The following DHPS variants were observed in gnomAD, a reference collection of about 807,000 sequenced individuals.
DHPS encodes the protein deoxyhypusine synthase.
Under a neutral mutation model 38.7 loss-of-function variants are expected in DHPS, and 24 were observed. The observed-to-expected ratio is 0.62, with a 90% CI of 0.45 to 0.87. DHPS has a LOEUF of 0.87. Among genes scored for constraint, DHPS ranks in the 40% least tolerant of loss-of-function variants. DHPS has a pLI of 0.00. For missense variants in DHPS, 510 were observed against 497.6 expected, an observed-to-expected ratio of 1.02 and a Z score of -0.24; for synonymous variants, 250 against 204.4, an observed-to-expected ratio of 1.22 and a Z score of -1.90.
At chr19:12,678,791 A>AC (rs1314454762) in intron 5 of DHPS, among the ~76,000 whole-genome samples, 5 of 136,888 alleles carry the variant, frequency 3.7e-5, no homozygotes, top group Admixed American at 7.6e-5. Flanking sequence ...AAAAAAAAAA[A>AC]GACTATGTAG....
chr19:12,678,768 CA>C lies in DHPS; in HGVS notation c.678+688del, dbSNP rs1183531365. 8.7e-3 allele frequency among the ~76,000 whole-genome samples: 405 copies of C among 46,322 alleles called. 2 individuals are homozygous for C. The highest frequency in any genetic ancestry group is 0.016 in the East Asian group (16 of 1,010). The allele number at this position is 46,322 out of a possible 152,430, so 30.4% of individuals were successfully genotyped here. A position where few individuals can be genotyped will look rare whatever the true frequency, so the allele number is the denominator to read the frequency against. ...TGGGCGACAGAGCAAGACTCTGTCT[CA>C]AAAAAAAAAAAAAAAAAAAAAAGAC... is the stretch of plus-strand genomic sequence containing the variant. On this transcript the variant is annotated intron_variant, in intron 5 of 8. Coordinates refer to ENST00000210060, the MANE Select transcript of DHPS (RefSeq NM_001930.4).
downstream of DHPS, chr19:12,675,524 G>A (rs1349062961): frequency 2.9e-5 from 47 of 1,603,960 alleles, no homozygotes; most frequent in Non-Finnish European, 3.8e-5. Context: ...GCTCCACAGG[G>A]TGCGCTGGCT....
At chr19:12,673,383 G>T, downstream of DHPS, 2 of 690,064 alleles carry the variant, frequency 2.9e-6, no homozygotes, top group Non-Finnish European at 5.1e-6. Context: ...CCTTACCTCA[G>T]TCACTCCAGG....
intron 5 of DHPS, among the ~76,000 whole-genome samples, chr19:12,678,125 G>C (rs1157528695): frequency 6.6e-6 from 1 of 151,840 alleles, no homozygotes; most frequent in African/African-American, 2.4e-5. Context: ...GGTGGCACAT[G>C]CCTATAATCC....
rs757666183 is a variant in DHPS, at chr19:12,677,314, C to A, written c.761G>T (p.Gly254Val). 2 of 1,614,202 alleles carry A rather than the reference C, an allele frequency of 1.2e-6. No individual in the cohort carries two copies. The highest frequency in any genetic ancestry group is 8.5e-7 in the Non-Finnish European group (1 of 1,180,038). ...ACCCTCAACGATGTCCAGGACCAGGCCCGGGTTCTTGTAGGAATGGAAGAA... is the reference window on the plus strand; with the variant it reads ...ACCCTCAACGATGTCCAGGACCAGGACCGGGTTCTTGTAGGAATGGAAGAA... ...MIFFHSYKNP[G>V]LVLDIVEDLR... The change falls in exon 6 of 9, where the codon GGC becomes GTC. Residue 254 changes from glycine (G) to valine (V), a missense_variant. By Grantham distance (109) the Gly-to-Val change is moderately radical. Transcript: ENST00000210060.
chr19:12,674,022 A>C, downstream of DHPS, among the ~76,000 whole-genome samples: 1 of 152,198 alleles, frequency 6.6e-6, no homozygotes, highest in East Asian at 1.9e-4. Context: ...AAGATGAGGC[A>C]GGAAGGGCAT....
rs2024655663 is a variant in DHPS, at chr19:12,677,628, G to GT, written c.679-233dup. On this transcript the variant is annotated intron_variant, in intron 5 of 8. Coordinates refer to ENST00000210060, the MANE Select transcript of DHPS (RefSeq NM_001930.4). Reference sequence around the variant, plus strand: ...CAGCCTATTCTTAGCTTGCTGAGCTGTTTCTCTCTCTTTTTTTTTATTCCC... The same window carrying GT: ...CAGCCTATTCTTAGCTTGCTGAGCTGTTTTCTCTCTCTTTTTTTTTATTCCC... 3.3e-5 allele frequency among the ~76,000 whole-genome samples: 5 copies of GT among 152,102 alleles called. No individual in the cohort carries two copies. The South Asian group carries it at 1.0e-3, about 32-fold the overall frequency.
rs1372852586 is a variant in DHPS, at chr19:12,681,674, G to A, written c.93C>T (p.Val31=). 1.2e-6 allele frequency: 2 copies of A among 1,614,210 alleles called. No homozygotes were observed. Among genetic ancestry groups the A allele is most frequent in the Admixed American group, 1.7e-5 (1 of 60,034 alleles). Residue 31 remains valine, a synonymous_variant, in exon 1 of 9, where the codon GTC becomes GTT. Coordinates refer to ENST00000210060, the MANE Select transcript of DHPS (RefSeq NM_001930.4). The part of the protein sequence containing the change: ...SSTLPPESTQ[V]RGYDFNRGVN... ...CACCGCGGTTGAAGTCGTAGCCCCG[G>A]ACCTGGGTGCTTTCGGGCGGCAACG...
downstream of DHPS, chr19:12,672,659 G>A (rs1486169430): frequency 3.2e-6 from 2 of 617,576 alleles, no homozygotes; most frequent in Non-Finnish European, 5.8e-6. Context: ...GGCTTGGAAA[G>A]GGGGTGTGGG....
chr19:12,676,377 C>G (rs146519552), intron 7 of DHPS: 1 of 533,762 alleles, frequency 1.9e-6, no homozygotes, highest in Non-Finnish European at 3.3e-6. Context: ...CCTGCCCCAT[C>G]TGCAAGGCAG....
At chr19:12,673,727 T>C (rs1205728410), downstream of DHPS, among the ~76,000 whole-genome samples, 1 of 151,636 alleles carries the variant, frequency 6.6e-6, no homozygotes, top group African/African-American at 2.4e-5. Context: ...TTTTTTCTTT[T>C]TTTGAGACTA....
At chr19:12,676,271 C>A in intron 7 of DHPS, 129 bp from the exon 8 acceptor site, 2 of 1,194,508 alleles carry the variant, frequency 1.7e-6, no homozygotes, top group Non-Finnish European at 2.3e-6. Context: ...CAGACATTCG[C>A]TCCCAGACAG....
At chr19:12,680,070 A>C (rs1237912493) in intron 2 of DHPS, 91 bp downstream of exon 2, 1 of 1,575,378 alleles carries the variant, frequency 6.3e-7, no homozygotes, top group East Asian at 2.2e-5. Context: ...TGCTTATAAC[A>C]GACCCCTATC....
At chr19:12,681,329 A>C in intron 1 of DHPS, 1 of 1,073,860 alleles carries the variant, frequency 9.3e-7, no homozygotes. Context: ...CACACCAAGA[A>C]TCAGTCCTCG....
chr19:12,676,544 T>C, intron 7 of DHPS: 1 of 218,314 alleles, frequency 4.6e-6, no homozygotes, highest in Non-Finnish European at 9.4e-6. Flanking sequence ...GGAACCCGAG[T>C]CAAGTCCTCT....
At position 12,679,509 on chromosome 19, in the gene DHPS, C is replaced by T. The variant is rs766749253; in HGVS notation, c.626G>A (p.Arg209Gln). The change falls in exon 5 of 9, where the codon CGG becomes CAG. Residue 209 changes from arginine (R) to glutamine (Q), a missense_variant. Transcript: ENST00000210060. ...TGGGTTGTTGATCTCCTTGCCCAGCCGGGCGATCATCTTAGAAGGCGTCCA... is the reference window on the plus strand; with the variant it reads ...TGGGTTGTTGATCTCCTTGCCCAGCTGGGCGATCATCTTAGAAGGCGTCCA... Reference protein sequence around the residue: ...VKWTPSKMIARLGKEINNPES... With the variant: ...VKWTPSKMIAQLGKEINNPES... 11 of 1,614,062 alleles carry T rather than the reference C, an allele frequency of 6.8e-6. No individual in the cohort carries two copies. The highest frequency in any genetic ancestry group is 1.3e-5 in the African/African-American group (1 of 74,910).
At chr19:12,672,895 C>A (rs377654519), downstream of DHPS, 1 of 1,598,108 alleles carries the variant, frequency 6.3e-7, no homozygotes, top group Admixed American at 1.7e-5. Flanking sequence ...TGGGGCAGCT[C>A]TTCTCAGACT....
downstream of DHPS, among the ~76,000 whole-genome samples, chr19:12,675,353 A>T (rs566210925): frequency 2.6e-5 from 4 of 152,116 alleles, no homozygotes; most frequent in African/African-American, 4.8e-5. Flanking sequence ...GCTCAGTCTG[A>T]GGTAGATTAA....
Position 12,681,688 on chromosome 19 carries a change from C to T in DHPS, c.79G>A (p.Glu27Lys). ...VLKHSSTLPP[E>K]STQVRGYDFN... ...TCGTAGCCCCGGACCTGGGTGCTTT[C>T]GGGCGGCAACGTCGAGCTGTGCTTT... Residue 27 changes from glutamate (E) to lysine (K), a missense_variant, in exon 1 of 9, where the codon GAA becomes AAA. Coordinates refer to ENST00000210060, the MANE Select transcript of DHPS (RefSeq NM_001930.4). 24 of 1,614,102 alleles carry T rather than the reference C, an allele frequency of 1.5e-5. No individual in the cohort carries two copies. Among genetic ancestry groups the T allele is most frequent in the Non-Finnish European group, 1.8e-5 (21 of 1,180,044 alleles).
Sources: allele counts gnomAD v4.1 joint callset (sites outside exome capture counted in the v4.1 genomes callset), GRCh38; gene constraint gnomAD v4.1.1; transcripts MANE v1.5; gene names NCBI Gene and HGNC (gene_info 2026-07-23, HGNC 2026-07-21).